TAP1: variants seen among roughly 807,000 people sequenced by gnomAD.
TAP1 encodes transporter 1, ATP binding cassette subfamily B member.
In TAP1, 56 loss-of-function variants were observed where a neutral mutation model predicts 79.3. That is an observed-to-expected ratio of 0.71 (90% CI 0.57 to 0.88). The LOEUF (loss-of-function observed/expected upper bound fraction) is 0.88. Ranked by LOEUF, TAP1 falls within the 40% of genes least tolerant of loss-of-function variation. The pLI, the probability that TAP1 is intolerant of heterozygous loss-of-function variation, is 0.00. For synonymous variants in TAP1, 355 were observed against 401.4 expected (o/e 0.88, Z 1.38); for missense variants, 737 against 936.3 (o/e 0.79, Z 2.78).
chr6:32,848,109 C>T lies in TAP1; in HGVS notation c.1567-17G>A, dbSNP rs1158574362. ...TGTCAGCCCCTAGAGGCCAGAGAAGCACACGATAAGAGGCTACCAAGGCCT... is the reference window on the plus strand; with the variant it reads ...TGTCAGCCCCTAGAGGCCAGAGAAGTACACGATAAGAGGCTACCAAGGCCT... On this transcript the variant is annotated splice_polypyrimidine_tract_variant and intron_variant, in intron 7 of 10. Transcript: ENST00000354258. The T allele has an allele frequency of 2.7e-5, 43 of 1,580,854 alleles. No homozygotes were observed. The highest frequency in any genetic ancestry group is 3.7e-5 in the Admixed American group (2 of 54,430).
chr6:32,845,795 G>C lies in TAP1; in HGVS notation c.2041-10C>G, dbSNP rs2127384261. The C allele has an allele frequency of 1.2e-6, 2 of 1,609,462 alleles. No individual in the cohort carries two copies. The highest frequency in any genetic ancestry group is 1.7e-6 in the Non-Finnish European group (2 of 1,179,638). On this transcript the variant is annotated splice_polypyrimidine_tract_variant and intron_variant, in intron 10 of 10. Coordinates refer to ENST00000354258, the MANE Select transcript of TAP1 (RefSeq NM_000593.6). The surrounding 1 kb of genome is among the most constrained non-coding windows in gnomAD (Gnocchi z 4.5). ...ACAGGAGCTGCTCCACCTGAGGAAA[G>C]ACATCGGACCGTCAGAGCCGGGGAC...
rs775733510 is a variant in TAP1 at position 32,852,376 on chromosome 6, C to T, written c.713+12G>A. The stretch of plus-strand genomic sequence containing the variant: ...CCTCATTTGCAGGGTGCCCCATTTT[C>T]AGCCCCCAGACCTGGCTATGGTGAG... On this transcript the variant is annotated intron_variant, in intron 2 of 10. Coordinates refer to ENST00000354258, the MANE Select transcript of TAP1 (RefSeq NM_000593.6). This position sits in a 1 kb window ranked among gnomAD's most constrained non-coding sequence, Gnocchi z 4.8. 6.2e-6 allele frequency: 10 copies of T among 1,613,052 alleles called. No homozygotes were observed. The South Asian group carries it at 9.9e-5, about 16-fold the overall frequency.
In TAP1 at chr6:32,850,823, G is replaced by A. The variant is rs1770733835; in HGVS notation, c.1050+121C>T. 2 of 972,832 alleles carry A rather than the reference G, an allele frequency of 2.1e-6. No individual in the cohort carries two copies. Among genetic ancestry groups the A allele is most frequent in the Non-Finnish European group, 3.3e-6 (2 of 604,452 alleles). 60.3% of individuals were successfully genotyped at this position (972,832 alleles called of 1,614,324 possible). A position where few individuals can be genotyped will look rare whatever the true frequency, so the allele number is the denominator to read the frequency against. ...GGACCACAGGGACAGGGTGTTCCATGAAGATGGAGAATCAGTAAGGGTGCC... is the reference window on the plus strand; with the variant it reads ...GGACCACAGGGACAGGGTGTTCCATAAAGATGGAGAATCAGTAAGGGTGCC... On this transcript the variant is annotated intron_variant, in intron 4 of 10. Coordinates refer to ENST00000354258, the MANE Select transcript of TAP1 (RefSeq NM_000593.6). The surrounding 1 kb of genome is among the most constrained non-coding windows in gnomAD (Gnocchi z 5.5).
rs116106014 is a variant in TAP1, at chr6:32,852,059, T to A, written c.844+50A>T. ...GAGGGGGGAGATCAAAGCAGATGTA[T>A]GAGGATATGAACAGTACATGGCGTA... On this transcript the variant is annotated intron_variant, in intron 3 of 10. Coordinates refer to ENST00000354258, the MANE Select transcript of TAP1 (RefSeq NM_000593.6). The surrounding 1 kb of genome is among the most constrained non-coding windows in gnomAD (Gnocchi z 4.8). 0.024 allele frequency: 38,884 copies of A among 1,611,530 alleles called. 567 individuals are homozygous for A. Among genetic ancestry groups the A allele is most frequent in the Non-Finnish European group, 0.028 (33,142 of 1,179,216 alleles).
intron 10 of TAP1, chr6:32,846,308 C>G (rs1457265694): frequency 5.6e-6 from 1 of 178,348 alleles, no homozygotes; most frequent in African/African-American, 2.4e-5. Flanking sequence ...TGTAAACAGA[C>G]TAGCTTAATT....
rs1276614024 is a variant in TAP1, at chr6:32,852,513, A to G, written c.599-11T>C. On this transcript the variant is annotated splice_polypyrimidine_tract_variant and intron_variant, in intron 1 of 10. Transcript: ENST00000354258. The surrounding 1 kb of genome is among the most constrained non-coding windows in gnomAD (Gnocchi z 4.8). ...GAATGGCCATCTCCCCTGGAGAAAG[A>G]GAAGAGAGGTCACGCACAAATATTA... 5 of 1,612,922 alleles carry G rather than the reference A, an allele frequency of 3.1e-6. No individual in the cohort carries two copies. The African/African-American group carries it at 6.7e-5, about 22-fold the overall frequency.
In TAP1 at chr6:32,846,902, G is replaced by C. The variant is rs183195768; in HGVS notation, c.2040+166C>G. On this transcript the variant is annotated intron_variant, in intron 10 of 10. Transcript: ENST00000354258. ...AACTGATTCTAGGTGTCTTTGCCTC[G>C]TCTTCTATCTCTACTCCTTGGGGAG... Among the ~76,000 whole-genome samples the C allele has an allele frequency of 2.0e-5, 3 of 152,290 alleles. No individual in the cohort carries two copies. In the East Asian group the frequency reaches 5.8e-4, roughly 29 times the overall value.
Position 32,850,869 on chromosome 6 carries a change from A to G in TAP1, c.1050+75T>C, listed in dbSNP as rs1369648006. The G allele has an allele frequency of 3.0e-6, 4 of 1,328,022 alleles. No homozygotes were observed. In the East Asian group the frequency reaches 9.2e-5, roughly 31 times the overall value. The allele number at this position is 1,328,022 out of a possible 1,614,324, so 82.3% of individuals were successfully genotyped here. On this transcript the variant is annotated intron_variant, in intron 4 of 10. Transcript: ENST00000354258. This position sits in a 1 kb window ranked among gnomAD's most constrained non-coding sequence, Gnocchi z 5.5. The stretch of plus-strand genomic sequence containing the variant: ...GTGCCAGGAAAGCTGGACTGAAAGC[A>G]ATGTGAGAGGAACTGAGTCTGCCAA...
rs1208442162 is a variant in TAP1, at chr6:32,850,711, T to C, written c.1051-194A>G. ...AAAATGACTCAGAACGGGTTGGGGA[T>C]CAAATTCTTAAAGACAGATTGTGGG... On this transcript the variant is annotated intron_variant, in intron 4 of 10. Coordinates refer to ENST00000354258, the MANE Select transcript of TAP1 (RefSeq NM_000593.6). The surrounding 1 kb of genome is among the most constrained non-coding windows in gnomAD (Gnocchi z 5.5). 6.6e-6 allele frequency among the ~76,000 whole-genome samples: 1 copy of C among 152,106 alleles called. No homozygotes were observed. Among genetic ancestry groups the C allele is most frequent in the Non-Finnish European group, 1.5e-5 (1 of 68,014 alleles).
In TAP1 at chr6:32,850,459, G is replaced by A. The variant is rs2127679; in HGVS notation, c.1109C>T (p.Ala370Val). The change falls in exon 5 of 11, where the codon GCT becomes GTT. Residue 370 changes from alanine to valine, a missense_variant. Coordinates refer to ENST00000354258, the MANE Select transcript of TAP1 (RefSeq NM_000593.6). The surrounding 1 kb of genome is among the most constrained non-coding windows in gnomAD (Gnocchi z 5.5). ...TCGAACTGTAGGCATGGCCGACAGA[G>A]CCTCAATGGCCACCTGGCTGGACTT... Reference protein sequence around the residue: ...LAKSSQVAIEALSAMPTVRSF... With the variant: ...LAKSSQVAIEVLSAMPTVRSF... 0.029 allele frequency: 46,767 copies of A among 1,614,128 alleles called. 786 individuals carry two copies. The highest frequency in any genetic ancestry group is 0.037 in the South Asian group (3,402 of 91,090).
rs1169020250 is a variant in TAP1 at position 32,852,317 on chromosome 6, G to A, written c.713+71C>T. 3.7e-6 allele frequency: 6 copies of A among 1,612,634 alleles called. No homozygotes were observed. In the Admixed American group the frequency reaches 8.3e-5, roughly 22 times the overall value. ...GAAGGTCCCAGGTATCCCCATATAA[G>A]TGCATTTCGGACAGCAGCCCCAACT... is the stretch of plus-strand genomic sequence containing the variant. On this transcript the variant is annotated intron_variant, in intron 2 of 10. Coordinates refer to ENST00000354258, the MANE Select transcript of TAP1 (RefSeq NM_000593.6). This position sits in a 1 kb window ranked among gnomAD's most constrained non-coding sequence, Gnocchi z 4.8.
In TAP1 at chr6:32,847,269, C is replaced by G; in HGVS notation, c.1904-65G>C. On this transcript the variant is annotated intron_variant, in intron 9 of 10. Transcript: ENST00000354258. This position sits in a 1 kb window ranked among gnomAD's most constrained non-coding sequence, Gnocchi z 4.7. ...ATGTGTGCACGCATGTACATGCACA[C>G]AGACACACTCATGCATTCACGCACT... The G allele has an allele frequency of 6.2e-7, 1 of 1,602,182 alleles. No individual in the cohort carries two copies. The highest frequency in any genetic ancestry group is 1.1e-5 in the South Asian group (1 of 90,632).
Position 32,850,525 on chromosome 6 carries a change from T to C in TAP1, c.1051-8A>G, listed in dbSNP as rs2127390446. 6 of 1,610,292 alleles carry C rather than the reference T, an allele frequency of 3.7e-6. No homozygotes were observed. Among genetic ancestry groups the C allele is most frequent in the Non-Finnish European group, 5.1e-6 (6 of 1,179,940 alleles). On this transcript the variant is annotated splice_polypyrimidine_tract_variant and splice_region_variant and intron_variant, in intron 4 of 10. Transcript: ENST00000354258. The surrounding 1 kb of genome is among the most constrained non-coding windows in gnomAD (Gnocchi z 5.5). ...CACCTGCACTTCCAGCAACTGTGGA[T>C]ACATGGACAAGAGATGTCACACGGG...
At position 32,847,354 on chromosome 6, in the gene TAP1, G is replaced by T; in HGVS notation, c.1904-150C>A. On this transcript the variant is annotated intron_variant, in intron 9 of 10. Coordinates refer to ENST00000354258, the MANE Select transcript of TAP1 (RefSeq NM_000593.6). The surrounding 1 kb of genome is among the most constrained non-coding windows in gnomAD (Gnocchi z 4.7). ...AGGGGAGATTCTGGGAAGATGAACA[G>T]AATCCTGAGGATGTCAGGATGAAGA... is the stretch of plus-strand genomic sequence containing the variant. 1 of 1,483,830 alleles carries T rather than the reference G, an allele frequency of 6.7e-7. No individual in the cohort carries two copies. The highest frequency in any genetic ancestry group is 9.3e-7 in the Non-Finnish European group (1 of 1,075,016). The allele number at this position is 1,483,830 out of a possible 1,614,324, so 91.9% of individuals were successfully genotyped here.
In TAP1 at chr6:32,850,193, G is replaced by T; in HGVS notation, c.1248+127C>A. On this transcript the variant is annotated intron_variant, in intron 5 of 10. Coordinates refer to ENST00000354258, the MANE Select transcript of TAP1 (RefSeq NM_000593.6). The surrounding 1 kb of genome is among the most constrained non-coding windows in gnomAD (Gnocchi z 5.5). Reference sequence around the variant, plus strand: ...GAGTAGAGTCATTGAGCCTCAGGTTGCTAGGACGAAAATACTGAACCAACC... The same window carrying T: ...GAGTAGAGTCATTGAGCCTCAGGTTTCTAGGACGAAAATACTGAACCAACC... 2.0e-6 allele frequency: 2 copies of T among 991,438 alleles called. No individual in the cohort carries two copies. The highest frequency in any genetic ancestry group is 3.2e-6 in the Non-Finnish European group (2 of 634,302). 61.4% of individuals were successfully genotyped at this position (991,438 alleles called of 1,614,324 possible). A position where few individuals can be genotyped will look rare whatever the true frequency, so the allele number is the denominator to read the frequency against.
At position 32,852,261 on chromosome 6, in the gene TAP1, A is replaced by T; in HGVS notation, c.714-22T>A. 1 of 1,613,012 alleles carries T rather than the reference A, an allele frequency of 6.2e-7. No homozygotes were observed. The highest frequency in any genetic ancestry group is 2.2e-5 in the East Asian group (1 of 44,878). On this transcript the variant is annotated intron_variant, in intron 2 of 10. Transcript: ENST00000354258. The surrounding 1 kb of genome is among the most constrained non-coding windows in gnomAD (Gnocchi z 4.8). ...TGCACTATAAAGAACCCGGAAAAAA[A>T]GGGGATCAGGGTGTGTTCAGGGAAC... is the stretch of plus-strand genomic sequence containing the variant.
intron 5 of TAP1, 124 bp from the exon 6 acceptor site, chr6:32,849,242 A>G: frequency 8.3e-7 from 1 of 1,200,180 alleles, no homozygotes; most frequent in Non-Finnish European, 1.2e-6. Context: ...GGCAGGCTCA[A>G]TAGGCAGACA....
In TAP1 at chr6:32,853,203, G is replaced by A. The variant is rs1415693411; in HGVS notation, c.434C>T (p.Ala145Val). 4 of 1,611,970 alleles carry A rather than the reference G, an allele frequency of 2.5e-6. No individual in the cohort carries two copies. Among genetic ancestry groups the A allele is most frequent in the African/African-American group, 2.7e-5 (2 of 74,922 alleles). ...SHPTAFVVSY[A>V]AALPAAALWH... ...CAGGGCTGCTGCGGGCAGTGCCGCT[G>A]CATAACTGACAACGAAGGCGGTAGG... is the stretch of plus-strand genomic sequence containing the variant. Residue 145 changes from alanine (A) to valine (V), a missense_variant, in exon 1 of 11, where the codon GCA becomes GTA. Physicochemically the swap from Ala to Val is moderately conservative, Grantham distance 64. Around this residue, in one of 5 missense-constraint regions of TAP1, gnomAD observed 406 missense variants for 477.2 expected, o/e 0.85. Coordinates refer to ENST00000354258, the MANE Select transcript of TAP1 (RefSeq NM_000593.6). This position sits in a 1 kb window ranked among gnomAD's most constrained non-coding sequence, Gnocchi z 8.3.
In TAP1 at chr6:32,850,144, G is replaced by A. The variant is rs535160428; in HGVS notation, c.1248+176C>T. On this transcript the variant is annotated intron_variant, in intron 5 of 10. Transcript: ENST00000354258. The surrounding 1 kb of genome is among the most constrained non-coding windows in gnomAD (Gnocchi z 5.5). ...AAGGAAGCCACCTAGCATCTTTAAA[G>A]AGAGGGAGGGGGCTAGGGACACTGA... 7.1e-6 allele frequency: 5 copies of A among 706,406 alleles called. No homozygotes were observed. The highest frequency in any genetic ancestry group is 4.6e-5 in the South Asian group (3 of 64,786). The allele number at this position is 706,406 out of a possible 1,614,324, so 43.8% of individuals were successfully genotyped here. A position where few individuals can be genotyped will look rare whatever the true frequency, so the allele number is the denominator to read the frequency against.
Sources: allele counts gnomAD v4.1 joint callset (sites outside exome capture counted in the v4.1 genomes callset), GRCh38; gene constraint gnomAD v4.1.1; regional missense constraint gnomAD v4.1.1; non-coding constraint Gnocchi (gnomAD v3.1); transcripts MANE v1.5; gene names NCBI Gene and HGNC (gene_info 2026-07-23, HGNC 2026-07-21).